The following FRMD6 variants were observed in gnomAD, a reference collection of about 807,000 sequenced individuals.
FRMD6 encodes FERM domain containing 6.
FRMD6 carries 37 observed loss-of-function variants against 73.2 expected under a neutral mutation model. The ratio of observed to expected loss-of-function variants is 0.51; its 90% CI spans 0.39 to 0.66. The LOEUF (loss-of-function observed/expected upper bound fraction) is 0.66, where lower values mean the gene tolerates loss of function less well. Ranked by LOEUF, FRMD6 falls within the 30% of genes least tolerant of loss-of-function variation. The pLI, the probability that FRMD6 is intolerant of heterozygous loss-of-function variation, is 0.00. For missense variants in FRMD6, 714 were observed against 780.5 expected (o/e 0.91, Z 1.02); for synonymous variants, 273 against 282.2 (o/e 0.97, Z 0.33).
intron 1 of FRMD6, among the ~76,000 whole-genome samples, chr14:51,655,907 A>T (rs1053730677): frequency 6.6e-6 from 1 of 152,134 alleles, no homozygotes; most frequent in African/African-American, 2.4e-5. Flanking sequence ...TATCCCGTAC[A>T]CTCCAAAAGC....
chr14:51,412,934 G>C, the FRMD6 span, among the ~76,000 whole-genome samples: 4 of 151,948 alleles, frequency 2.6e-5, no homozygotes, highest in African/African-American at 7.3e-5. Flanking sequence ...GTGTCTGGTG[G>C]GCTGGGGTGA....
chr14:51,592,011 A>G (rs112509711), intron 2 of FRMD6, among the ~76,000 whole-genome samples: 101 of 152,314 alleles, frequency 6.6e-4, no homozygotes, highest in African/African-American at 2.1e-3. Flanking sequence ...ATGCAAAGTG[A>G]CAACTGCCCA....
chr14:51,686,510 A>C (rs1279398775), intron 1 of FRMD6, among the ~76,000 whole-genome samples: 2 of 152,196 alleles, frequency 1.3e-5, no homozygotes, highest in Non-Finnish European at 2.9e-5. Flanking sequence ...ATGTGCACTT[A>C]AAGTTCCAGT....
At chr14:51,459,646 C>T in the FRMD6 span, among the ~76,000 whole-genome samples, 721 of 151,822 alleles carry the variant, frequency 4.7e-3, 6 homozygotes, top group East Asian at 9.1e-3. Flanking sequence ...GCTAACATGG[C>T]GAAACCCCGT....
intron 1 of FRMD6, among the ~76,000 whole-genome samples, chr14:51,515,409 T>C (rs763642579): frequency 1.1e-4 from 17 of 152,190 alleles, no homozygotes; most frequent in Non-Finnish European, 2.4e-4. Flanking sequence ...TGAACGTCAG[T>C]ATATCTGCTG....
rs36032211 is a variant in FRMD6 at position 51,590,412 on chromosome 14, A to AT, written c.-147+20013dup. On this transcript the variant is annotated intron_variant, in intron 2 of 14. Coordinates refer to the FRMD6 transcript ENST00000356218. Reference sequence around the variant, plus strand: ...AGGATTAATTGGTTTGTACCCAGCAATTTTTTTTTTTACAAGTGTTCCTCT... The same window carrying AT: ...AGGATTAATTGGTTTGTACCCAGCAATTTTTTTTTTTTACAAGTGTTCCTCT... Among the ~76,000 whole-genome samples the AT allele has an allele frequency of 4.4e-3, 651 of 148,532 alleles. 5 individuals carry two copies. In the East Asian group the frequency reaches 0.047, roughly 11 times the overall value.
At chr14:51,510,766 A>G (rs1382417282) in intron 1 of FRMD6, among the ~76,000 whole-genome samples, 1 of 152,186 alleles carries the variant, frequency 6.6e-6, no homozygotes, top group Non-Finnish European at 1.5e-5. Flanking sequence ...TTATACCTCC[A>G]AGGCTAACAC....
chr14:51,543,905 G>A (rs1484129422), intron 1 of FRMD6, among the ~76,000 whole-genome samples: 1 of 152,008 alleles, frequency 6.6e-6, no homozygotes, highest in Admixed American at 6.6e-5. Flanking sequence ...CTTTGGAAAT[G>A]AATTCGCACC....
rs74713569 is a variant in FRMD6 at position 51,698,060 on chromosome 14, G to A, written c.100-82G>A. 7.3e-3 allele frequency: 6,387 copies of A among 873,450 alleles called. 283 individuals carry two copies. The African/African-American group carries it at 0.093, about 13-fold the overall frequency. The allele number at this position is 873,450 out of a possible 1,614,324, so 54.1% of individuals were successfully genotyped here. ...TTGTCCTTTCAAGGAATATATTTAC[G>A]ATGCATTAAATTGCCTGATTGTGGC... On this transcript the variant is annotated intron_variant, in intron 2 of 13. Coordinates refer to ENST00000344768, the MANE Select transcript of FRMD6 (RefSeq NM_001267046.2).
intron 1 of FRMD6, among the ~76,000 whole-genome samples, chr14:51,561,206 G>A (rs912131436): frequency 6.6e-6 from 1 of 152,184 alleles, no homozygotes; most frequent in Non-Finnish European, 1.5e-5. Flanking sequence ...TCAGGATTCA[G>A]ATGAATTCAG....
chr14:51,636,919 A>G (rs985530199), intron 2 of FRMD6, among the ~76,000 whole-genome samples: 2 of 152,234 alleles, frequency 1.3e-5, no homozygotes, highest in Admixed American at 1.3e-4. Context: ...ATTAATAAAC[A>G]TTTTAAGTAA....
chr14:51,471,147 T>G, the FRMD6 span, among the ~76,000 whole-genome samples: 1 of 152,206 alleles, frequency 6.6e-6, no homozygotes, highest in African/African-American at 2.4e-5. Flanking sequence ...GAATTTTTGC[T>G]TCATGTATTT....
Position 51,720,202 on chromosome 14 carries a change from G to A in FRMD6, c.1172G>A (p.Ser391Asn). The A allele has an allele frequency of 1.2e-6, 2 of 1,614,134 alleles. No homozygotes were observed. The change falls in exon 11 of 14, where the codon AGT becomes AAT. Residue 391 changes from serine to asparagine, a missense_variant. By Grantham distance (46) the Ser-to-Asn change is conservative (BLOSUM62 1). Coordinates refer to ENST00000344768, the MANE Select transcript of FRMD6 (RefSeq NM_001267046.2). ...CGTCATTCCACCGCCAGCCACAGCA[G>A]TTCCCACACCTCGGGCATTGAGGCA... ...LSRHSTASHS[S>N]SHTSGIEADT...
At chr14:51,650,112 C>G (rs1892265718), upstream of FRMD6, 1 of 152,166 alleles carries the variant, frequency 6.6e-6, no homozygotes, top group African/African-American at 2.4e-5. Flanking sequence ...GACTTTAAAT[C>G]ATAAGTACAG....
chr14:51,461,105 G>A, the FRMD6 span, among the ~76,000 whole-genome samples: 1 of 152,220 alleles, frequency 6.6e-6, no homozygotes, highest in Non-Finnish European at 1.5e-5. Context: ...GTGTACTTGA[G>A]TTAAGCCACA....
chr14:51,420,535 T>G, the FRMD6 span, among the ~76,000 whole-genome samples: 2 of 152,224 alleles, frequency 1.3e-5, no homozygotes, highest in Non-Finnish European at 2.9e-5. Context: ...GCCCTCCACA[T>G]CTGTGAGTTC....
At chr14:51,710,357 C>G (rs997438006) in intron 7 of FRMD6, among the ~76,000 whole-genome samples, 12 of 152,134 alleles carry the variant, frequency 7.9e-5, no homozygotes, top group African/African-American at 2.4e-4. Context: ...AGGGAACATT[C>G]TGGAAAAAAA....
At chr14:51,443,943 G>GTTT in the FRMD6 span, among the ~76,000 whole-genome samples, 50,143 of 140,596 alleles carry the variant, frequency 0.36, 9,857 homozygotes, top group Non-Finnish European at 0.42. Flanking sequence ...CAAGTTGTGA[G>GTTT]TTTTTTTTTT....
intron 4 of FRMD6, among the ~76,000 whole-genome samples, 182 bp downstream of exon 4, chr14:51,701,341 T>A (rs1348276205): frequency 2.3e-5 from 3 of 130,534 alleles, no homozygotes; most frequent in African/African-American, 8.8e-5. Flanking sequence ...TTAGAACTTA[T>A]AATTTTCTTT....
Sources: gnomAD v4.1 joint callset for allele counts (sites outside exome capture counted in the v4.1 genomes callset) on GRCh38, gnomAD v4.1.1 for gene constraint, MANE v1.5 for transcripts, NCBI Gene and HGNC (gene_info 2026-07-23, HGNC 2026-07-21) for gene names.